GRIP2: variants seen among roughly 807,000 people sequenced by gnomAD.
GRIP2 encodes the protein glutamate receptor interacting protein 2.
A neutral mutation model predicts 108.3 loss-of-function variants in GRIP2; 58 were observed. The ratio of observed to expected loss-of-function variants is 0.54; its 90% CI spans 0.43 to 0.67. The LOEUF is 0.67. Among genes scored for constraint, GRIP2 ranks in the 30% least tolerant of loss-of-function variants. GRIP2 has a pLI of 0.00. For missense variants in GRIP2, 1,278 were observed against 1,430.6 expected, an observed-to-expected ratio of 0.89 and a Z score of 1.72; for synonymous variants, 586 against 598.2, an observed-to-expected ratio of 0.98 and a Z score of 0.30.
At chr3:14,581,048 TC>T in the GRIP2 span, among the ~76,000 whole-genome samples, 1 of 152,198 alleles carries the variant, frequency 6.6e-6, no homozygotes, top group East Asian at 1.9e-4. Flanking sequence ...ATCAACCTCT[TC>T]CTCTGTCTTT....
At chr3:14,509,300 C>T (rs926678090) in intron 17 of GRIP2, among the ~76,000 whole-genome samples, 1 of 152,222 alleles carries the variant, frequency 6.6e-6, no homozygotes. Context: ...GGAGAAGGCT[C>T]GGTCTCACCC....
chr3:14,567,871 G>A, the GRIP2 span, among the ~76,000 whole-genome samples: 16 of 152,362 alleles, frequency 1.1e-4, no homozygotes, highest in African/African-American at 7.2e-5. Flanking sequence ...AAATGAAGTG[G>A]TGTGAGATGG....
chr3:14,553,347 G>A (rs1156711156), intron 1 of GRIP2, among the ~76,000 whole-genome samples: 1 of 152,046 alleles, frequency 6.6e-6, no homozygotes, highest in Non-Finnish European at 1.5e-5. Context: ...CTGACCTCAA[G>A]TGATCCGCCC....
In GRIP2 at chr3:14,493,473, A is replaced by T; in HGVS notation, c.*192T>A. On this transcript the variant is annotated 3_prime_UTR_variant, in exon 24 of 24. Transcript: ENST00000621039. ...AGAGACCCCAGCTGTCACTCCAACT[A>T]GGGCAGGACCTCCCTGCCTGGCACC... 1 of 650,152 alleles carries T rather than the reference A, an allele frequency of 1.5e-6. No homozygotes were observed. The highest frequency in any genetic ancestry group is 2.5e-6 in the Non-Finnish European group (1 of 401,420). 40.3% of individuals were successfully genotyped at this position (650,152 alleles called of 1,614,324 possible).
At chr3:14,564,003 CTGCT>C in the GRIP2 span, among the ~76,000 whole-genome samples, 1 of 152,238 alleles carries the variant, frequency 6.6e-6, no homozygotes, top group Admixed American at 6.5e-5. Context: ...CTCACCAGAC[CTGCT>C]CTGAGGCTCA....
At chr3:14,581,118 G>T in the GRIP2 span, among the ~76,000 whole-genome samples, 103 of 152,200 alleles carry the variant, frequency 6.8e-4, 5 homozygotes, top group Non-Finnish European at 1.2e-4. Context: ...ATGGGCGGAT[G>T]GGTGGATGGG....
rs199789435 is a variant in GRIP2, at chr3:14,511,331, G to A, written c.1788-21C>T. ...CCGTCCTGCATGAGTCGGGGGCAGAGGGGATGGAAGGAGCCTGGTGCATGC... is the reference window on the plus strand; with the variant it reads ...CCGTCCTGCATGAGTCGGGGGCAGAAGGGATGGAAGGAGCCTGGTGCATGC... On this transcript the variant is annotated intron_variant, in intron 15 of 23. Transcript: ENST00000621039. This position sits in a 1 kb window ranked among gnomAD's most constrained non-coding sequence, Gnocchi z 4.1. 9.9e-6 allele frequency: 16 copies of A among 1,613,876 alleles called. No homozygotes were observed. Among genetic ancestry groups the A allele is most frequent in the East Asian group, 4.5e-5 (2 of 44,896 alleles).
At chr3:14,542,882 G>A (rs1575031528), upstream of GRIP2, among the ~76,000 whole-genome samples, 2 of 152,350 alleles carry the variant, frequency 1.3e-5, no homozygotes, top group Admixed American at 1.3e-4. Flanking sequence ...CAGCTGGTAA[G>A]GATGGAGCCA....
chr3:14,596,059 T>A, the GRIP2 span, among the ~76,000 whole-genome samples: 2 of 152,352 alleles, frequency 1.3e-5, no homozygotes, highest in South Asian at 4.1e-4. Flanking sequence ...AATTCTGTCA[T>A]GTTAGCAGGG....
chr3:14,525,342 T>C (rs952086515), intron 3 of GRIP2, 95 bp downstream of exon 3: 1 of 1,458,736 alleles, frequency 6.9e-7, no homozygotes, highest in Admixed American at 1.9e-5. Context: ...CCTGATTGCT[T>C]TGCCTAAGAC....
chr3:14,512,698 TG>T lies in GRIP2; in HGVS notation c.1720+78del. On this transcript the variant is annotated intron_variant, in intron 14 of 23. Transcript: ENST00000621039. The surrounding 1 kb of genome is among the most constrained non-coding windows in gnomAD (Gnocchi z 5.1). The stretch of plus-strand genomic sequence containing the variant: ...GCAGGGTGTCACGCCATGGAAATGC[TG>T]GTCTGAGCTTGGCAAGCTCTTTTTC... 1 of 1,376,430 alleles carries T rather than the reference TG, an allele frequency of 7.3e-7. No homozygotes were observed. Among genetic ancestry groups the T allele is most frequent in the Non-Finnish European group, 1.0e-6 (1 of 979,372 alleles). The allele number at this position is 1,376,430 out of a possible 1,614,324, so 85.3% of individuals were successfully genotyped here.
At position 14,524,082 on chromosome 3, in the gene GRIP2, G is replaced by A. The variant is rs757166284; in HGVS notation, c.403+311C>T. The A allele has an allele frequency of 5.3e-4, 270 of 513,942 alleles. 2 individuals carry two copies. In the Admixed American group the frequency reaches 5.4e-3, roughly 10 times the overall value. 31.8% of individuals were successfully genotyped at this position (513,942 alleles called of 1,614,324 possible). On this transcript the variant is annotated intron_variant, in intron 4 of 23. Coordinates refer to ENST00000621039, the MANE Select transcript of GRIP2 (RefSeq NM_001080423.4). ...CACCGTTACTTAGTGCAGGGCAGTG[G>A]AGTGTGGGCGTGGTAGGTCAGGGAA...
the GRIP2 span, among the ~76,000 whole-genome samples, chr3:14,569,030 G>A: frequency 2.6e-5 from 4 of 152,186 alleles, no homozygotes; most frequent in African/African-American, 9.7e-5. Context: ...AGCTAGCAGA[G>A]TAATCAATCC....
At chr3:14,600,451 G>C in the GRIP2 span, among the ~76,000 whole-genome samples, 1 of 152,170 alleles carries the variant, frequency 6.6e-6, no homozygotes, top group African/African-American at 2.4e-5. Context: ...TAATCAGAGG[G>C]ACTTAAGAAG....
the GRIP2 span, among the ~76,000 whole-genome samples, chr3:14,569,868 G>C: frequency 0.28 from 41,866 of 152,152 alleles, 6,227 homozygotes; most frequent in Middle Eastern, 0.36. Flanking sequence ...TGTGGCAGAG[G>C]CAGAAGTCGA....
At chr3:14,518,114 G>A (rs1694307279) in intron 9 of GRIP2, among the ~76,000 whole-genome samples, 1 of 152,248 alleles carries the variant, frequency 6.6e-6, no homozygotes, top group South Asian at 2.1e-4. Context: ...GCAGGGACAG[G>A]AGAGAGAAAG....
At chr3:14,555,171 G>A (rs1251173300) in intron 1 of GRIP2, among the ~76,000 whole-genome samples, 1 of 152,126 alleles carries the variant, frequency 6.6e-6, no homozygotes, top group Non-Finnish European at 1.5e-5. Flanking sequence ...CCCGGCACAG[G>A]CTGGGGCTCA....
intron 1 of GRIP2, among the ~76,000 whole-genome samples, chr3:14,552,475 A>G (rs1263848730): frequency 6.6e-6 from 1 of 152,170 alleles, no homozygotes; most frequent in Non-Finnish European, 1.5e-5. Context: ...TAAATGACAC[A>G]GGCTATTCTC....
At chr3:14,557,869 T>C (rs1025004937), upstream of GRIP2, among the ~76,000 whole-genome samples, 1 of 152,236 alleles carries the variant, frequency 6.6e-6, no homozygotes, top group African/African-American at 2.4e-5. Context: ...CTTAGTTTCC[T>C]CATCTGACAG....
Sources: allele counts gnomAD v4.1 joint callset (sites outside exome capture counted in the v4.1 genomes callset), GRCh38; gene constraint gnomAD v4.1.1; non-coding constraint Gnocchi (gnomAD v3.1); transcripts MANE v1.5; gene names NCBI Gene and HGNC (gene_info 2026-07-23, HGNC 2026-07-21).